WWOX: variants seen among roughly 807,000 people sequenced by gnomAD.
The protein encoded by WWOX is WW domain containing oxidoreductase, also known as WW domain-containing oxidoreductase.
Under a neutral mutation model 46.2 loss-of-function variants are expected in WWOX, and 69 were observed. That is an observed-to-expected ratio of 1.49 (90% confidence interval 1.23 to 1.82). The LOEUF is 1.82. WWOX is among the 40% of genes most tolerant of loss of function. WWOX has a pLI of 0.00. For synonymous variants in WWOX, 359 were observed against 202.6 expected, an observed-to-expected ratio of 1.77 and a Z score of -6.56; for missense variants, 919 against 542.6, an observed-to-expected ratio of 1.69 and a Z score of -6.89.
chr16:78,951,648 C>T (rs568472721), intron 8 of WWOX, among the ~76,000 whole-genome samples: 1 of 152,298 alleles, frequency 6.6e-6, no homozygotes, highest in East Asian at 1.9e-4. Flanking sequence ...TGATGTCAAT[C>T]TTGTTTTAGG....
chr16:79,104,606 C>T (rs547366518), intron 8 of WWOX, among the ~76,000 whole-genome samples: 2 of 152,214 alleles, frequency 1.3e-5, no homozygotes, highest in East Asian at 3.9e-4. Context: ...AGTGTTGAGG[C>T]AGATAGATGC....
intron 5 of WWOX, among the ~76,000 whole-genome samples, chr16:78,192,035 C>T (rs189189752): frequency 2.6e-5 from 4 of 152,102 alleles, no homozygotes; most frequent in African/African-American, 7.2e-5. Flanking sequence ...GTTAGCCTCT[C>T]TGTGTTTCTA....
chr16:78,103,372 A>T (rs932316585), intron 1 of WWOX, among the ~76,000 whole-genome samples: 1 of 151,416 alleles, frequency 6.6e-6, no homozygotes, highest in East Asian at 1.9e-4. Flanking sequence ...CCCATCACCT[A>T]GTTGTTCAGC....
intron 8 of WWOX, among the ~76,000 whole-genome samples, chr16:79,051,019 G>A (rs1321890664): frequency 6.6e-6 from 1 of 152,144 alleles, no homozygotes. Flanking sequence ...ACGGCTCTTC[G>A]CCCATTAACG....
chr16:78,407,547 C>G (rs1034071612), intron 6 of WWOX, among the ~76,000 whole-genome samples: 19 of 152,206 alleles, frequency 1.2e-4, no homozygotes, highest in African/African-American at 3.4e-4. Context: ...ATGGTGGTGT[C>G]TACTGCTGCT....
intron 8 of WWOX, among the ~76,000 whole-genome samples, chr16:78,837,756 A>G (rs775725187): frequency 3.3e-5 from 5 of 152,230 alleles, no homozygotes; most frequent in Admixed American, 2.0e-4. Context: ...TGTAATAACA[A>G]TAGCCACCAT....
intron 5 of WWOX, among the ~76,000 whole-genome samples, chr16:78,339,648 G>A (rs371475671): frequency 8.4e-6 from 1 of 119,262 alleles, no homozygotes; most frequent in Non-Finnish European, 2.0e-5. Context: ...GTGTATTTCA[G>A]GTTTCAAAAT....
At chr16:79,103,484 C>A (rs1183956733) in intron 8 of WWOX, among the ~76,000 whole-genome samples, 1 of 152,142 alleles carries the variant, frequency 6.6e-6, no homozygotes, top group Non-Finnish European at 1.5e-5. Flanking sequence ...TCCCCTGTTC[C>A]TGAGGCCCCC....
intron 8 of WWOX, among the ~76,000 whole-genome samples, chr16:79,114,205 T>G (rs573804477): frequency 9.2e-5 from 14 of 152,126 alleles, no homozygotes; most frequent in African/African-American, 3.4e-4. Context: ...CCAGAAGATA[T>G]GTTGAAGTCC....
chr16:78,338,462 T>G lies in WWOX; in HGVS notation c.517-48398T>G. Reference sequence around the variant, plus strand: ...GGGGACAAAATGTCTTTATGTTAAATTGTTTTATTATTGTTATCTTTATGG... The same window carrying G: ...GGGGACAAAATGTCTTTATGTTAAAGTGTTTTATTATTGTTATCTTTATGG... On this transcript the variant is annotated intron_variant, in intron 5 of 8. Coordinates refer to ENST00000566780, the MANE Select transcript of WWOX (RefSeq NM_016373.4). 1.6e-5 allele frequency among the ~76,000 whole-genome samples: 2 copies of G among 121,672 alleles called. 1 individual carries two copies. The highest frequency in any genetic ancestry group is 3.9e-5 in the Non-Finnish European group (2 of 50,936). The allele number at this position is 121,672 out of a possible 152,430, so 79.8% of individuals were successfully genotyped here.
At chr16:78,546,455 C>G (rs1014141093) in intron 8 of WWOX, among the ~76,000 whole-genome samples, 4 of 152,148 alleles carry the variant, frequency 2.6e-5, no homozygotes, top group Non-Finnish European at 5.9e-5. Flanking sequence ...GAATACTGGA[C>G]CCAGAGTTTC....
chr16:79,056,275 A>C (rs1175494570), intron 8 of WWOX, among the ~76,000 whole-genome samples: 1 of 152,208 alleles, frequency 6.6e-6, no homozygotes, highest in Non-Finnish European at 1.5e-5. Flanking sequence ...CAGAACACTT[A>C]AACTTTGGAG....
intron 8 of WWOX, chr16:79,110,806 G>T (rs1393001242): frequency 6.6e-6 from 1 of 152,190 alleles, no homozygotes; most frequent in African/African-American, 2.4e-5. Flanking sequence ...TCCCAGCTCT[G>T]CCTTTTATCA....
Position 78,349,327 on chromosome 16 carries a change from A to G in WWOX, c.517-37533A>G, listed in dbSNP as rs1046571254. Among the ~76,000 whole-genome samples the G allele has an allele frequency of 4.1e-5, 5 of 121,040 alleles. 2 individuals carry two copies. In the South Asian group the frequency reaches 1.2e-3, roughly 30 times the overall value. 79.4% of individuals were successfully genotyped at this position (121,040 alleles called of 152,430 possible). ...AGGCCGTACCTCCAAATACAGTCAC[A>G]TTCTGAGGTAGTACGGGTTAGGTCT... On this transcript the variant is annotated intron_variant, in intron 5 of 8. Transcript: ENST00000566780.
chr16:78,492,336 G>T (rs2978626), intron 8 of WWOX, among the ~76,000 whole-genome samples: 1 of 152,104 alleles, frequency 6.6e-6, no homozygotes, highest in African/African-American at 2.4e-5. Flanking sequence ...AGCAAAGTGG[G>T]TAAGTTGACC....
At chr16:78,444,387 A>T (rs371354387) in intron 8 of WWOX, among the ~76,000 whole-genome samples, 7 of 152,072 alleles carry the variant, frequency 4.6e-5, no homozygotes, top group Admixed American at 3.3e-4. Context: ...GAAAGGAAAT[A>T]AAAAAAGGAG....
At chr16:78,540,334 C>T (rs904328396) in intron 8 of WWOX, among the ~76,000 whole-genome samples, 1 of 151,740 alleles carries the variant, frequency 6.6e-6, no homozygotes, top group African/African-American at 2.4e-5. Context: ...CATCTTGATT[C>T]TGAGCTTTGG....
chr16:79,198,222 C>T (rs2051278826), intron 8 of WWOX, among the ~76,000 whole-genome samples: 1 of 151,980 alleles, frequency 6.6e-6, no homozygotes, highest in Non-Finnish European at 1.5e-5. Flanking sequence ...CCTGCAATCC[C>T]AGCTACTCGG....
intron 8 of WWOX, among the ~76,000 whole-genome samples, chr16:78,920,062 G>A (rs1012376945): frequency 6.6e-6 from 1 of 152,052 alleles, no homozygotes; most frequent in Non-Finnish European, 1.5e-5. Context: ...AGTAACAAAC[G>A]ACCCCACCAT....
Sources: gnomAD v4.1 joint callset for allele counts (sites outside exome capture counted in the v4.1 genomes callset) on GRCh38, gnomAD v4.1.1 for gene constraint, MANE v1.5 for transcripts, NCBI Gene and HGNC (gene_info 2026-07-23, HGNC 2026-07-21) for gene names.